Variants in LRRC4C observed in about 807,000 individuals in gnomAD.
The protein encoded by LRRC4C is leucine-rich repeat-containing protein 4C.
LRRC4C carries 5 observed loss-of-function variants against 33.6 expected under a neutral mutation model. That is an observed-to-expected ratio of 0.15 (90% CI 0.08 to 0.31). LRRC4C has a LOEUF of 0.31. Among genes scored for constraint, LRRC4C ranks in the 10% least tolerant of loss-of-function variants. The pLI, the probability that LRRC4C is intolerant of heterozygous loss-of-function variation, is 1.00. For missense variants in LRRC4C, 560 were observed against 796.7 expected, an observed-to-expected ratio of 0.70 and a Z score of 3.58; for synonymous variants, 329 against 302.0, an observed-to-expected ratio of 1.09 and a Z score of -0.93.
Position 41,123,322 on chromosome 11 carries a change from G to C in LRRC4C, c.-495-189599C>G, listed in dbSNP as rs372027170. ...GAGTCTCGCTCTGTCGCCCAGGCTG[G>C]AGTGCAGTGGCGGGATCTCGGCTCA... On this transcript the variant is annotated intron_variant, in intron 1 of 6. Coordinates refer to ENST00000528697, the MANE Select transcript of LRRC4C (RefSeq NM_001258419.2). 1.0e-3 allele frequency among the ~76,000 whole-genome samples: 136 copies of C among 136,666 alleles called. 3 individuals are homozygous for C. The East Asian group carries it at 0.027, about 27-fold the overall frequency. 89.7% of individuals were successfully genotyped at this position (136,666 alleles called of 152,430 possible).
intron 1 of LRRC4C, among the ~76,000 whole-genome samples, chr11:41,004,322 C>G (rs1854584428): frequency 6.6e-6 from 1 of 152,126 alleles, no homozygotes; most frequent in Admixed American, 6.6e-5. Flanking sequence ...TCCATCTTTC[C>G]TGAACTTTTG....
chr11:41,386,151 C>T (rs1393910333), intron 1 of LRRC4C, among the ~76,000 whole-genome samples: 1 of 151,178 alleles, frequency 6.6e-6, no homozygotes, highest in African/African-American at 2.4e-5. Flanking sequence ...TGATACTTAC[C>T]AGCAACTAGT....
intron 1 of LRRC4C, among the ~76,000 whole-genome samples, chr11:41,043,461 T>C (rs1165568037): frequency 1.3e-5 from 2 of 152,188 alleles, no homozygotes; most frequent in African/African-American, 4.8e-5. Context: ...TGTTCAAATC[T>C]GCTATAAAAG....
chr11:40,737,792 T>A (rs1321290040), intron 2 of LRRC4C, among the ~76,000 whole-genome samples: 1 of 152,166 alleles, frequency 6.6e-6, no homozygotes, highest in Non-Finnish European at 1.5e-5. Context: ...ATGGTCATAC[T>A]GCCCAAAGTA....
chr11:40,871,596 C>A (rs7946483), intron 2 of LRRC4C, among the ~76,000 whole-genome samples: 4 of 152,136 alleles, frequency 2.6e-5, no homozygotes, highest in Middle Eastern at 3.4e-3. Context: ...ATTTTGTATC[C>A]GTTTATGCAC....
chr11:40,214,723 C>T (rs2135860232), intron 5 of LRRC4C, among the ~76,000 whole-genome samples: 1 of 152,306 alleles, frequency 6.6e-6, no homozygotes, highest in Admixed American at 6.5e-5. Context: ...TGATCCCAGA[C>T]TCCCAGCCTC....
rs189849915 is a variant in LRRC4C, at chr11:40,465,699, C to T, written c.-269-145978G>A. Among the ~76,000 whole-genome samples, 7 of 151,996 alleles carry T rather than the reference C, an allele frequency of 4.6e-5. No homozygotes were observed. In the East Asian group the frequency reaches 7.7e-4, roughly 17 times the overall value. On this transcript the variant is annotated intron_variant, in intron 3 of 6. Transcript: ENST00000528697. ...TGATGAACAAGCTTATGAATAAATG[C>T]TCAACGTTATTAATCACCAGAGAAG... is the stretch of plus-strand genomic sequence containing the variant.
chr11:41,001,464 T>C (rs1434019242), intron 1 of LRRC4C, among the ~76,000 whole-genome samples: 1 of 152,052 alleles, frequency 6.6e-6, no homozygotes, highest in Non-Finnish European at 1.5e-5. Context: ...TGGTGACAAG[T>C]GAAGTTAATA....
At chr11:40,916,717 T>G (rs1956978067) in intron 2 of LRRC4C, among the ~76,000 whole-genome samples, 2 of 150,956 alleles carry the variant, frequency 1.3e-5, no homozygotes, top group African/African-American at 4.9e-5. Context: ...TAAATAAAAA[T>G]AAAAATAAAA....
intron 5 of LRRC4C, among the ~76,000 whole-genome samples, chr11:40,217,007 C>T (rs909564801): frequency 3.9e-5 from 6 of 152,100 alleles, no homozygotes; most frequent in African/African-American, 1.2e-4. Context: ...ATAATGGTAT[C>T]TGGTTGCACA....
chr11:40,313,849 G>A (rs1174694189), intron 4 of LRRC4C, among the ~76,000 whole-genome samples: 2 of 151,788 alleles, frequency 1.3e-5, no homozygotes, highest in Admixed American at 1.3e-4. Flanking sequence ...TCTTGACCTC[G>A]TGATCCGCCT....
intron 1 of LRRC4C, among the ~76,000 whole-genome samples, chr11:41,406,746 ACACACG>A (rs1398707431): frequency 6.6e-4 from 90 of 135,864 alleles, no homozygotes; most frequent in Middle Eastern, 7.8e-3. Flanking sequence ...ACACACACAC[ACACACG>A]CACCCTTAAT....
At chr11:41,000,505 T>C (rs990559206) in intron 1 of LRRC4C, among the ~76,000 whole-genome samples, 1 of 152,176 alleles carries the variant, frequency 6.6e-6, no homozygotes, top group Non-Finnish European at 1.5e-5. Context: ...TGTATATGTT[T>C]ATTAATTAGT....
At chr11:41,277,256 A>T (rs1044291773) in intron 1 of LRRC4C, among the ~76,000 whole-genome samples, 20 of 152,264 alleles carry the variant, frequency 1.3e-4, no homozygotes, top group Admixed American at 1.3e-4. Flanking sequence ...TAAAAAACCC[A>T]TTGCTTTATG....
chr11:41,032,402 A>T (rs967912722), intron 1 of LRRC4C, among the ~76,000 whole-genome samples: 7 of 152,030 alleles, frequency 4.6e-5, no homozygotes, highest in African/African-American at 1.7e-4. Flanking sequence ...CCCAACCTGA[A>T]GGTTCCCTAT....
intron 1 of LRRC4C, among the ~76,000 whole-genome samples, chr11:41,217,885 A>G (rs1453670937): frequency 6.6e-6 from 1 of 152,224 alleles, no homozygotes; most frequent in Admixed American, 6.5e-5. Context: ...ATAGAATAGT[A>G]TGCAACCATT....
chr11:40,217,865 A>T (rs1417877101), intron 5 of LRRC4C, among the ~76,000 whole-genome samples: 1 of 152,158 alleles, frequency 6.6e-6, no homozygotes, highest in Non-Finnish European at 1.5e-5. Context: ...GGCAGTTCCA[A>T]ATTATTGAAG....
intron 3 of LRRC4C, among the ~76,000 whole-genome samples, chr11:40,344,307 T>G (rs1169579664): frequency 1.3e-5 from 2 of 152,134 alleles, no homozygotes; most frequent in East Asian, 1.9e-4. Flanking sequence ...TCCACTATGA[T>G]CAAGTAAGCT....
intron 5 of LRRC4C, among the ~76,000 whole-genome samples, chr11:40,167,267 C>A (rs1565079705): frequency 1.3e-5 from 2 of 152,050 alleles, no homozygotes; most frequent in African/African-American, 4.8e-5. Flanking sequence ...TCTTGGTAAC[C>A]TTGTAGCAGA....
Sources: allele counts gnomAD v4.1 joint callset (sites outside exome capture counted in the v4.1 genomes callset), GRCh38; gene constraint gnomAD v4.1.1; transcripts MANE v1.5; gene names NCBI Gene and HGNC (gene_info 2026-07-23, HGNC 2026-07-21).